The following RARS2 variants were observed in gnomAD, a reference collection of about 807,000 sequenced individuals.
The protein encoded by RARS2 is probable arginine--tRNA ligase, mitochondrial.
Under a neutral mutation model 88.5 loss-of-function variants are expected in RARS2, and 67 were observed. That is an observed-to-expected ratio of 0.76 (90% confidence interval 0.62 to 0.93). The LOEUF is 0.93. Ranked by LOEUF, RARS2 falls within the 40% of genes least tolerant of loss-of-function variation. The probability of loss-of-function intolerance (pLI) is 0.00; values close to 1 mark genes in which losing one functional copy is unlikely to be tolerated. For synonymous variants in RARS2, 239 were observed against 230.3 expected (o/e 1.04, Z -0.34); for missense variants, 664 against 684.2 (o/e 0.97, Z 0.33).
rs1210516403 is a variant in RARS2 at position 87,518,703 on chromosome 6, T to C, written c.1342A>G (p.Ser448Gly). The change falls in exon 16 of 20, where the codon AGC becomes GGC. Residue 448 changes from serine (S) to glycine (G), a missense_variant. By Grantham distance (56) the Ser-to-Gly change is moderately conservative. Transcript: ENST00000369536. Reference protein sequence around the residue: ...KGLLLSDYKFSWDRVFQSRGD... With the variant: ...KGLLLSDYKFGWDRVFQSRGD... ...CGACTCTGGAAAACACGATCCCAGC[T>C]GAACTTGTAGTCAGATAAGAGTAAA... is the stretch of plus-strand genomic sequence containing the variant. 1 of 1,613,996 alleles carries C rather than the reference T, an allele frequency of 6.2e-7. No individual in the cohort carries two copies. Among genetic ancestry groups the C allele is most frequent in the Non-Finnish European group, 8.5e-7 (1 of 1,179,996 alleles).
At chr6:87,548,531 G>T in intron 6 of RARS2, 60 bp downstream of exon 6, 2 of 1,502,948 alleles carry the variant, frequency 1.3e-6, no homozygotes, top group South Asian at 2.4e-5. Flanking sequence ...ACATTAAATT[G>T]AACTATCAAA....
chr6:87,522,664 T>C (rs1189088184), intron 11 of RARS2, among the ~76,000 whole-genome samples: 2 of 152,214 alleles, frequency 1.3e-5, no homozygotes, highest in Non-Finnish European at 2.9e-5. Flanking sequence ...CTAATTTTTG[T>C]GTTTTTAGTA....
chr6:87,516,999 C>T, intron 17 of RARS2, 119 bp from the exon 18 acceptor site: 1 of 1,449,782 alleles, frequency 6.9e-7, no homozygotes, highest in Non-Finnish European at 9.3e-7. Context: ...GAAGGTATGG[C>T]CAGGCGCAGT....
chr6:87,516,955 T>C (rs767417350), intron 17 of RARS2, 75 bp from the exon 18 acceptor site: 47 of 1,593,480 alleles, frequency 2.9e-5, no homozygotes, highest in Non-Finnish European at 3.6e-5. Flanking sequence ...TAAAAGATTG[T>C]GAATATAAGG....
chr6:87,549,553 A>G (rs79681843), intron 5 of RARS2, among the ~76,000 whole-genome samples: 4 of 118,036 alleles, frequency 3.4e-5, no homozygotes, highest in Non-Finnish European at 7.4e-5. Flanking sequence ...CTGTAAAATT[A>G]AAAAAAAAAA....
Position 87,514,425 on chromosome 6 carries a change from T to C in RARS2, c.1725A>G (p.Val575=), listed in dbSNP as rs769419164. 1 of 1,605,426 alleles carries C rather than the reference T, an allele frequency of 6.2e-7. No individual in the cohort carries two copies. The highest frequency in any genetic ancestry group is 1.1e-5 in the South Asian group (1 of 90,896). Residue 575 remains valine, a synonymous_variant, in exon 20 of 20, where the codon GTA becomes GTG. Transcript: ENST00000369536. ...ATTTTAATGGAAATTACATCCTACA[T>C]ACAGGTGTTATTCCAAGAAGTTTCA... The part of the protein sequence containing the change: ...NGMKLLGITP[V]CRM
chr6:87,565,809 A>G (rs1168311509), intron 2 of RARS2, among the ~76,000 whole-genome samples: 1 of 152,228 alleles, frequency 6.6e-6, no homozygotes, highest in Non-Finnish European at 1.5e-5. Context: ...GAGGGTTGAA[A>G]CTTTATTTAT....
intron 7 of RARS2, among the ~76,000 whole-genome samples, chr6:87,544,354 T>TTA (rs1781937012): frequency 6.6e-6 from 1 of 152,234 alleles, no homozygotes; most frequent in South Asian, 2.1e-4. Flanking sequence ...GGTCTACTCT[T>TTA]CTTAGAGTGC....
At chr6:87,522,416 T>G (rs1454151533) in intron 11 of RARS2, among the ~76,000 whole-genome samples, 1 of 151,182 alleles carries the variant, frequency 6.6e-6, no homozygotes, top group East Asian at 1.9e-4. Flanking sequence ...TACAAATATC[T>G]AGTTTGCATA....
intron 6 of RARS2, among the ~76,000 whole-genome samples, chr6:87,547,233 TACTTTTG>T (rs1346710395): frequency 1.3e-5 from 2 of 152,250 alleles, no homozygotes; most frequent in Non-Finnish European, 2.9e-5. Flanking sequence ...CTCACTCCTA[TACTTTTG>T]ACTTACTCAT....
At chr6:87,520,059 C>T (rs1773330435) in intron 13 of RARS2, 121 bp downstream of exon 13, 2 of 870,824 alleles carry the variant, frequency 2.3e-6, no homozygotes, top group South Asian at 2.8e-5. Context: ...ATCAAATCTA[C>T]CTTTCCACAC....
intron 4 of RARS2, among the ~76,000 whole-genome samples, chr6:87,559,265 G>C (rs1240659767): frequency 6.6e-6 from 1 of 151,874 alleles, no homozygotes; most frequent in East Asian, 1.9e-4. Context: ...AGTCAGCTAA[G>C]GTTAATTTAT....
intron 18 of RARS2, among the ~76,000 whole-genome samples, 171 bp from the exon 19 acceptor site, chr6:87,515,191 T>G (rs769185852): frequency 2.6e-5 from 4 of 152,236 alleles, no homozygotes; most frequent in Admixed American, 6.5e-5. Flanking sequence ...CTTTAGATCT[T>G]GGCCCTATTC....
chr6:87,559,517 G>C (rs59016324), intron 4 of RARS2, among the ~76,000 whole-genome samples: 1 of 149,200 alleles, frequency 6.7e-6, no homozygotes, highest in African/African-American at 2.5e-5. Flanking sequence ...GTGTCACCCA[G>C]GCTGGAGTAC....
chr6:87,533,337 T>C lies in RARS2; in HGVS notation c.613-2395A>G, dbSNP rs1282139298. Among the ~76,000 whole-genome samples the C allele has an allele frequency of 4.6e-5, 7 of 152,166 alleles. No homozygotes were observed. The East Asian group carries it at 1.3e-3, about 29-fold the overall frequency. ...CAATATGTACTTATAAAACAAACAT[T>C]AGTGAAAATCAACTGACACTATCAA... is the stretch of plus-strand genomic sequence containing the variant. On this transcript the variant is annotated intron_variant, in intron 8 of 19. Transcript: ENST00000369536.
At chr6:87,572,850 C>A (rs897162492) in intron 1 of RARS2, among the ~76,000 whole-genome samples, 1 of 152,106 alleles carries the variant, frequency 6.6e-6, no homozygotes, top group Non-Finnish European at 1.5e-5. Context: ...AGGTACTTAA[C>A]GCTTCTTGGC....
intron 18 of RARS2, chr6:87,515,795 T>G (rs1271245147): frequency 6.6e-6 from 1 of 151,788 alleles, no homozygotes; most frequent in Non-Finnish European, 1.5e-5. Flanking sequence ...TGACATTTCA[T>G]AAGACTTGGT....
chr6:87,532,516 C>T (rs1777841768), intron 8 of RARS2, among the ~76,000 whole-genome samples: 1 of 152,194 alleles, frequency 6.6e-6, no homozygotes, highest in South Asian at 2.1e-4. Context: ...TGAACTTTTG[C>T]CAGTGGACAT....
intron 2 of RARS2, among the ~76,000 whole-genome samples, chr6:87,566,720 C>T (rs1767966727): frequency 6.6e-6 from 1 of 151,840 alleles, no homozygotes; most frequent in Non-Finnish European, 1.5e-5. Flanking sequence ...GTGGCCCATG[C>T]TTCTGGTCCC....
Sources: allele counts gnomAD v4.1 joint callset (sites outside exome capture counted in the v4.1 genomes callset), GRCh38; gene constraint gnomAD v4.1.1; transcripts MANE v1.5; gene names NCBI Gene and HGNC (gene_info 2026-07-23, HGNC 2026-07-21).